NKAIN2: variants seen among roughly 807,000 people sequenced by gnomAD.
NKAIN2 encodes sodium/potassium transporting ATPase interacting 2.
A neutral mutation model predicts 32.6 loss-of-function variants in NKAIN2; 14 were observed. The observed-to-expected ratio is 0.43, with a 90% CI of 0.28 to 0.67. The LOEUF (loss-of-function observed/expected upper bound fraction) is 0.67, where lower values mean the gene tolerates loss of function less well. NKAIN2 is among the 30% of genes least tolerant of loss of function. The pLI is 0.17. For synonymous variants in NKAIN2, 80 were observed against 87.2 expected (o/e 0.92, Z 0.46); for missense variants, 198 against 258.3 (o/e 0.77, Z 1.60).
intron 3 of NKAIN2, among the ~76,000 whole-genome samples, chr6:124,647,816 C>T (rs1032267674): frequency 6.6e-6 from 1 of 152,038 alleles, no homozygotes; most frequent in Non-Finnish European, 1.5e-5. Flanking sequence ...ATAAATGTGT[C>T]CATCCAAAAT....
At chr6:124,527,790 C>T (rs1779375106) in intron 3 of NKAIN2, among the ~76,000 whole-genome samples, 1 of 152,018 alleles carries the variant, frequency 6.6e-6, no homozygotes, top group South Asian at 2.1e-4. Flanking sequence ...TGGAAATTTG[C>T]CTGTGTGACC....
At chr6:124,613,096 G>A (rs1782751767) in intron 3 of NKAIN2, among the ~76,000 whole-genome samples, 1 of 152,112 alleles carries the variant, frequency 6.6e-6, no homozygotes, top group Non-Finnish European at 1.5e-5. Flanking sequence ...AACAGTAGTG[G>A]AATTAATCAG....
intron 1 of NKAIN2, among the ~76,000 whole-genome samples, chr6:123,935,459 T>G (rs1030339424): frequency 6.6e-6 from 1 of 151,828 alleles, no homozygotes; most frequent in African/African-American, 2.4e-5. Context: ...CTTTTTTTTA[T>G]AAACTATCAG....
chr6:124,734,389 T>G (rs568686900), intron 4 of NKAIN2, among the ~76,000 whole-genome samples: 1 of 151,952 alleles, frequency 6.6e-6, no homozygotes, highest in South Asian at 2.1e-4. Flanking sequence ...TTTTGCAAAG[T>G]GACCCAGAGT....
At chr6:123,960,308 A>C (rs189908716) in intron 1 of NKAIN2, among the ~76,000 whole-genome samples, 2 of 152,212 alleles carry the variant, frequency 1.3e-5, no homozygotes, top group East Asian at 3.9e-4. Flanking sequence ...CCACCATTGC[A>C]TTTGTGCCCA....
chr6:124,394,821 A>G (rs750124950), intron 3 of NKAIN2, among the ~76,000 whole-genome samples: 8 of 152,164 alleles, frequency 5.3e-5, no homozygotes, highest in Non-Finnish European at 7.4e-5. Flanking sequence ...ACAAACACCC[A>G]TAATAGTGTT....
At chr6:124,101,375 A>C (rs1784879775) in intron 1 of NKAIN2, among the ~76,000 whole-genome samples, 1 of 152,204 alleles carries the variant, frequency 6.6e-6, no homozygotes, top group Admixed American at 6.5e-5. Flanking sequence ...CCATTTTTGA[A>C]AGCTAGCCGG....
intron 2 of NKAIN2, among the ~76,000 whole-genome samples, chr6:124,293,767 CT>C: frequency 6.6e-6 from 1 of 151,930 alleles, no homozygotes; most frequent in East Asian, 1.9e-4. Flanking sequence ...TCTGCATACC[CT>C]TTTTTGCTCA....
intron 1 of NKAIN2, among the ~76,000 whole-genome samples, chr6:123,805,253 C>T (rs1773167308): frequency 6.6e-6 from 1 of 152,172 alleles, no homozygotes; most frequent in Admixed American, 6.5e-5. Flanking sequence ...ACAACTGTTT[C>T]ATAAAGGTTG....
intron 1 of NKAIN2, among the ~76,000 whole-genome samples, chr6:124,109,580 C>T (rs565486482): frequency 2.6e-5 from 4 of 151,962 alleles, no homozygotes; most frequent in Admixed American, 2.0e-4. Context: ...TTAGTTCTTT[C>T]TGTTTTTGAT....
In NKAIN2 at chr6:124,517,091, G is replaced by A. The variant is rs1164174515; in HGVS notation, c.274-141095G>A. ...CTAGATATGTCTTGGGAGGCTTATC[G>A]TGATTAGATTTTCACATTATATTTT... On this transcript the variant is annotated intron_variant, in intron 3 of 6. Coordinates refer to ENST00000368417, the MANE Select transcript of NKAIN2 (RefSeq NM_001040214.3). Among the ~76,000 whole-genome samples the A allele has an allele frequency of 3.9e-5, 6 of 152,072 alleles. No homozygotes were observed. The East Asian group carries it at 5.8e-4, about 15-fold the overall frequency.
chr6:123,977,265 A>C (rs1778686868), intron 1 of NKAIN2, among the ~76,000 whole-genome samples: 2 of 152,162 alleles, frequency 1.3e-5, no homozygotes, highest in Admixed American at 1.3e-4. Flanking sequence ...GTGATTTAAA[A>C]ATTTAAAAGG....
At chr6:124,321,867 T>C (rs1797208562) in intron 2 of NKAIN2, among the ~76,000 whole-genome samples, 1 of 152,178 alleles carries the variant, frequency 6.6e-6, no homozygotes, top group African/African-American at 2.4e-5. Flanking sequence ...AATATGGTTA[T>C]TATCCATATG....
chr6:124,723,283 A>G (rs888568118), intron 4 of NKAIN2, among the ~76,000 whole-genome samples: 1 of 152,236 alleles, frequency 6.6e-6, no homozygotes, highest in Admixed American at 6.5e-5. Flanking sequence ...CAAGCCACAC[A>G]GTGACAATTT....
At chr6:123,833,837 C>A (rs1774495034) in intron 1 of NKAIN2, among the ~76,000 whole-genome samples, 1 of 151,164 alleles carries the variant, frequency 6.6e-6, no homozygotes, top group Admixed American at 6.6e-5. Context: ...AAGCAATTCT[C>A]CTGGCTCAGC....
chr6:124,337,481 T>G (rs1429383634), intron 2 of NKAIN2, among the ~76,000 whole-genome samples: 1 of 152,216 alleles, frequency 6.6e-6, no homozygotes. Flanking sequence ...CACTCCAGCC[T>G]GGGTAAGGGA....
intron 1 of NKAIN2, among the ~76,000 whole-genome samples, chr6:124,011,691 G>T (rs1180027360): frequency 5.3e-5 from 8 of 151,902 alleles, no homozygotes; most frequent in Non-Finnish European, 1.2e-4. Flanking sequence ...ATTTCAAATT[G>T]GCCTTTTCCT....
intron 3 of NKAIN2, among the ~76,000 whole-genome samples, chr6:124,389,846 A>C (rs1048148425): frequency 6.6e-6 from 1 of 151,980 alleles, no homozygotes; most frequent in African/African-American, 2.4e-5. Context: ...TTGCTGAACA[A>C]TGCACCCATT....
chr6:123,922,126 A>G (rs1222469309), intron 1 of NKAIN2, among the ~76,000 whole-genome samples: 1 of 152,218 alleles, frequency 6.6e-6, no homozygotes, highest in African/African-American at 2.4e-5. Context: ...CCAGCAGCCA[A>G]ATGTTCTTCC....
Sources: gnomAD v4.1 joint callset for allele counts (sites outside exome capture counted in the v4.1 genomes callset) on GRCh38, gnomAD v4.1.1 for gene constraint, MANE v1.5 for transcripts, NCBI Gene and HGNC (gene_info 2026-07-23, HGNC 2026-07-21) for gene names.